ST6GALNAC5: variants seen among roughly 807,000 people sequenced by gnomAD.
ST6GALNAC5 encodes the protein alpha-N-acetylgalactosaminide alpha-2,6-sialyltransferase 5.
In ST6GALNAC5, 27 loss-of-function variants were observed where a neutral mutation model predicts 33.6. The observed-to-expected ratio is 0.80, with a 90% CI of 0.59 to 1.11. The LOEUF (loss-of-function observed/expected upper bound fraction) is 1.11, where lower values mean the gene tolerates loss of function less well. Among genes scored for constraint, ST6GALNAC5 ranks in the 50% least tolerant of loss-of-function variants. The pLI, the probability that ST6GALNAC5 is intolerant of heterozygous loss-of-function variation, is 0.00. For synonymous variants in ST6GALNAC5, 194 were observed against 171.2 expected (o/e 1.13, Z -1.04); for missense variants, 428 against 454.0 (o/e 0.94, Z 0.52).
chr1:76,872,591 T>C (rs1431551409), intron 2 of ST6GALNAC5, among the ~76,000 whole-genome samples: 1 of 152,124 alleles, frequency 6.6e-6, no homozygotes, highest in East Asian at 1.9e-4. Flanking sequence ...AACTGAAAAA[T>C]AGTCATCCAA....
intron 2 of ST6GALNAC5, among the ~76,000 whole-genome samples, chr1:77,027,879 C>T (rs1289884480): frequency 2.0e-5 from 3 of 152,178 alleles, no homozygotes; most frequent in Non-Finnish European, 2.9e-5. Flanking sequence ...TTTTACACTT[C>T]AATAGTGCTT....
At chr1:76,991,976 G>T (rs1473461080) in intron 2 of ST6GALNAC5, among the ~76,000 whole-genome samples, 1 of 152,184 alleles carries the variant, frequency 6.6e-6, no homozygotes, top group Middle Eastern at 3.4e-3. Flanking sequence ...TTTTGGCAGA[G>T]AAATAAGTAA....
intron 2 of ST6GALNAC5, among the ~76,000 whole-genome samples, chr1:76,884,838 A>T (rs916399361): frequency 2.0e-5 from 3 of 152,206 alleles, no homozygotes; most frequent in African/African-American, 7.2e-5. Context: ...CAAAAGAATC[A>T]CTTAGTCAAA....
At chr1:76,994,493 T>C (rs1302345981) in intron 2 of ST6GALNAC5, among the ~76,000 whole-genome samples, 1 of 152,228 alleles carries the variant, frequency 6.6e-6, no homozygotes, top group Non-Finnish European at 1.5e-5. Context: ...ATTTGGCCTC[T>C]TGTTAAATGA....
chr1:76,994,643 T>C (rs1182254469), intron 2 of ST6GALNAC5, among the ~76,000 whole-genome samples: 2 of 152,028 alleles, frequency 1.3e-5, no homozygotes, highest in African/African-American at 4.8e-5. Flanking sequence ...TAGAGTGTCA[T>C]TGGGTTGCTA....
At chr1:76,979,739 C>T (rs1649172039) in intron 2 of ST6GALNAC5, among the ~76,000 whole-genome samples, 1 of 152,108 alleles carries the variant, frequency 6.6e-6, no homozygotes, top group African/African-American at 2.4e-5. Context: ...CCAGCCTGGC[C>T]AACATGGCAA....
chr1:77,023,316 T>C (rs916229637), intron 2 of ST6GALNAC5, among the ~76,000 whole-genome samples: 4 of 152,210 alleles, frequency 2.6e-5, no homozygotes, highest in Non-Finnish European at 4.4e-5. Flanking sequence ...CATTTTTCCA[T>C]ATAACAAACT....
At chr1:76,906,760 C>G (rs1053739918) in intron 2 of ST6GALNAC5, among the ~76,000 whole-genome samples, 1 of 152,110 alleles carries the variant, frequency 6.6e-6, no homozygotes, top group Non-Finnish European at 1.5e-5. Context: ...TATCTCAACT[C>G]CGGGTCTCCC....
At chr1:77,010,592 C>T (rs940551877) in intron 2 of ST6GALNAC5, among the ~76,000 whole-genome samples, 1 of 152,130 alleles carries the variant, frequency 6.6e-6, no homozygotes, top group Non-Finnish European at 1.5e-5. Context: ...AGCTCTGAGA[C>T]GTGTTCTTCC....
intron 2 of ST6GALNAC5, among the ~76,000 whole-genome samples, chr1:77,042,106 A>G (rs967479648): frequency 6.6e-6 from 1 of 152,180 alleles, no homozygotes; most frequent in Admixed American, 6.5e-5. Context: ...CTACCCTTCA[A>G]TATTCTCATT....
intron 2 of ST6GALNAC5, among the ~76,000 whole-genome samples, chr1:76,893,972 C>T (rs998296066): frequency 6.6e-6 from 1 of 152,114 alleles, no homozygotes; most frequent in African/African-American, 2.4e-5. Flanking sequence ...AAGAGACGCT[C>T]TTGATATTCA....
At chr1:76,985,795 G>A (rs1035619982) in intron 2 of ST6GALNAC5, among the ~76,000 whole-genome samples, 6 of 152,096 alleles carry the variant, frequency 3.9e-5, no homozygotes, top group Non-Finnish European at 5.9e-5. Context: ...CATGATACTG[G>A]TACCAAAACA....
At chr1:77,055,009 C>A (rs1050298740) in intron 4 of ST6GALNAC5, among the ~76,000 whole-genome samples, 2 of 151,994 alleles carry the variant, frequency 1.3e-5, no homozygotes, top group African/African-American at 4.8e-5. Flanking sequence ...CATGCAGCAT[C>A]TTTCATTTGG....
intron 2 of ST6GALNAC5, among the ~76,000 whole-genome samples, chr1:76,881,904 G>A (rs967101767): frequency 6.6e-6 from 1 of 152,192 alleles, no homozygotes; most frequent in Non-Finnish European, 1.5e-5. Flanking sequence ...CAGAGTGGTT[G>A]TGTGATTTGC....
intron 2 of ST6GALNAC5, among the ~76,000 whole-genome samples, chr1:77,030,744 AC>A (rs1439521418): frequency 6.6e-6 from 1 of 152,234 alleles, no homozygotes; most frequent in East Asian, 1.9e-4. Context: ...AGAAAAGAAG[AC>A]TGGATAAAAA....
intron 2 of ST6GALNAC5, among the ~76,000 whole-genome samples, chr1:76,910,739 A>C (rs970987685): frequency 2.6e-5 from 4 of 152,104 alleles, no homozygotes; most frequent in African/African-American, 4.8e-5. Context: ...CTGCATCCAT[A>C]CAGTTGGAGG....
At chr1:77,056,639 C>T (rs938609257) in intron 4 of ST6GALNAC5, among the ~76,000 whole-genome samples, 7 of 152,196 alleles carry the variant, frequency 4.6e-5, no homozygotes, top group South Asian at 4.1e-4. Context: ...GACAGTCCAC[C>T]GGGTAGAATC....
intron 2 of ST6GALNAC5, among the ~76,000 whole-genome samples, chr1:76,967,736 T>G (rs546616219): frequency 1.5e-4 from 23 of 152,334 alleles, no homozygotes; most frequent in African/African-American, 5.5e-4. Flanking sequence ...TAAATTTCCC[T>G]CTACACACTG....
chr1:77,005,718 C>T lies in ST6GALNAC5; in HGVS notation c.262-38486C>T, dbSNP rs146098108. Reference sequence around the variant, plus strand: ...CAGTAGCTGTCCATTTCCCTCTTCTCTCAGCCCTTGGTAACCACTATTCTA... The same window carrying T: ...CAGTAGCTGTCCATTTCCCTCTTCTTTCAGCCCTTGGTAACCACTATTCTA... On this transcript the variant is annotated intron_variant, in intron 2 of 4. Coordinates refer to ENST00000477717, the MANE Select transcript of ST6GALNAC5 (RefSeq NM_030965.3). 3.1e-3 allele frequency among the ~76,000 whole-genome samples: 465 copies of T among 152,328 alleles called. 3 individuals are homozygous for T. Among genetic ancestry groups the T allele is most frequent in the African/African-American group, 0.011 (447 of 41,578 alleles).
Sources: gnomAD v4.1 joint callset for allele counts (sites outside exome capture counted in the v4.1 genomes callset) on GRCh38, gnomAD v4.1.1 for gene constraint, MANE v1.5 for transcripts, NCBI Gene and HGNC (gene_info 2026-07-23, HGNC 2026-07-21) for gene names.